The following SLMAP variants were observed in gnomAD, a reference collection of about 807,000 sequenced individuals.
The protein encoded by SLMAP is sarcolemmal membrane-associated protein.
A neutral mutation model predicts 128.8 loss-of-function variants in SLMAP; 44 were observed. The ratio of observed to expected loss-of-function variants is 0.34; its 90% CI spans 0.27 to 0.44. SLMAP has a LOEUF of 0.44. Ranked by LOEUF, SLMAP falls within the 20% of genes least tolerant of loss-of-function variation. The probability of loss-of-function intolerance (pLI) is 1.00; values close to 1 mark genes in which losing one functional copy is unlikely to be tolerated. For synonymous variants in SLMAP, 327 were observed against 348.8 expected (o/e 0.94, Z 0.70); for missense variants, 787 against 985.3 (o/e 0.80, Z 2.69).
At chr3:57,774,425 T>C (rs2081415587) in intron 2 of SLMAP, among the ~76,000 whole-genome samples, 1 of 152,106 alleles carries the variant, frequency 6.6e-6, no homozygotes, top group South Asian at 2.1e-4. Flanking sequence ...GTTATTACTG[T>C]CTCCTTTCAC....
At chr3:57,914,041 G>A (rs1297531917) in intron 21 of SLMAP, among the ~76,000 whole-genome samples, 1 of 151,994 alleles carries the variant, frequency 6.6e-6, no homozygotes, top group African/African-American at 2.4e-5. Flanking sequence ...TTGTATGAAG[G>A]GTAATAATAT....
chr3:57,835,864 A>G lies in SLMAP; in HGVS notation c.346+4334A>G, dbSNP rs150228204. On this transcript the variant is annotated intron_variant, in intron 3 of 24. Transcript: ENST00000671191. ...TATAGTGTAACCATTTACAGAAAGC[A>G]TGAATGCCTGCAAAACAATACTATA... 1.9e-3 allele frequency among the ~76,000 whole-genome samples: 296 copies of G among 152,094 alleles called. 6 individuals carry two copies. Among genetic ancestry groups the G allele is most frequent in the Admixed American group, 0.019 (288 of 15,302 alleles).
chr3:57,874,428 G>C (rs2095555857), intron 14 of SLMAP, among the ~76,000 whole-genome samples: 1 of 151,972 alleles, frequency 6.6e-6, no homozygotes, highest in South Asian at 2.1e-4. Flanking sequence ...AAAAATCCTT[G>C]TTTTATTTTG....
chr3:57,786,994 C>T (rs914804317), intron 2 of SLMAP, among the ~76,000 whole-genome samples: 6 of 152,136 alleles, frequency 3.9e-5, no homozygotes, highest in African/African-American at 1.4e-4. Flanking sequence ...CCTCGGCCTC[C>T]CAAAGTGTTG....
intron 2 of SLMAP, among the ~76,000 whole-genome samples, chr3:57,819,918 G>A (rs539998959): frequency 1.3e-5 from 2 of 152,098 alleles, no homozygotes; most frequent in East Asian, 3.9e-4. Context: ...CACCCAGGTA[G>A]TTTTTGGATT....
chr3:57,878,852 T>C (rs764176215), intron 14 of SLMAP, among the ~76,000 whole-genome samples: 8 of 152,224 alleles, frequency 5.3e-5, no homozygotes, highest in Non-Finnish European at 1.2e-4. Context: ...TAGAAATATT[T>C]TCCAGGTTGG....
At chr3:57,868,983 ATATT>A (rs2095395728) in intron 13 of SLMAP, among the ~76,000 whole-genome samples, 1 of 138,512 alleles carries the variant, frequency 7.2e-6, no homozygotes, top group East Asian at 2.0e-4. Context: ...TATATAATAT[ATATT>A]ATATATGTGT....
intron 14 of SLMAP, among the ~76,000 whole-genome samples, chr3:57,886,957 A>G (rs2095906581): frequency 6.6e-6 from 1 of 152,124 alleles, no homozygotes. Flanking sequence ...CTTAATGGGT[A>G]TAGGGTTTTT....
intron 8 of SLMAP, among the ~76,000 whole-genome samples, chr3:57,858,908 A>G (rs1473444647): frequency 1.3e-5 from 2 of 151,784 alleles, no homozygotes; most frequent in Non-Finnish European, 2.9e-5. Flanking sequence ...TGCCATTGCA[A>G]TGTAGCCTGG....
At chr3:57,874,859 CAAA>C (rs1181269991) in intron 14 of SLMAP, among the ~76,000 whole-genome samples, 4 of 67,376 alleles carry the variant, frequency 5.9e-5, no homozygotes, top group African/African-American at 5.5e-5. Context: ...AACTCTGTCT[CAAA>C]AAAAAAAAAA....
chr3:57,796,169 A>G (rs1421865128), intron 2 of SLMAP, among the ~76,000 whole-genome samples: 1 of 152,212 alleles, frequency 6.6e-6, no homozygotes, highest in Non-Finnish European at 1.5e-5. Context: ...ATCCACCAAT[A>G]TAACTATCAA....
At chr3:57,831,684 G>A (rs918660194) in intron 3 of SLMAP, 154 bp downstream of exon 3, 2 of 219,372 alleles carry the variant, frequency 9.1e-6, no homozygotes. Flanking sequence ...CATACTTTCC[G>A]TATTGCTCTT....
rs1457394505 is a variant in SLMAP at position 57,898,462 on chromosome 3, G to A, written c.1501+1530G>A. The A allele has an allele frequency of 5.1e-4, 78 of 151,922 alleles. 2 individuals are homozygous for A. Among genetic ancestry groups the A allele is most frequent in the Admixed American group, 5.1e-3 (78 of 15,260 alleles). The allele number at this position is 151,922 out of a possible 1,614,324, so 9.4% of individuals were successfully genotyped here. On this transcript the variant is annotated intron_variant, in intron 17 of 24. Coordinates refer to ENST00000671191, the MANE Select transcript of SLMAP (RefSeq NM_001377540.1). ...TTCTTTTTCTTTTTTTCTTTTTGTA[G>A]GTACATAGTAGGTGTATATATTTAT...
chr3:57,826,594 C>T (rs1222012631), intron 2 of SLMAP, among the ~76,000 whole-genome samples: 1 of 152,146 alleles, frequency 6.6e-6, no homozygotes, highest in Non-Finnish European at 1.5e-5. Context: ...CCCTGTTCTG[C>T]TTAATTTTGG....
intron 15 of SLMAP, chr3:57,896,255 T>G: frequency 2.6e-6 from 3 of 1,154,052 alleles, no homozygotes; most frequent in Non-Finnish European, 3.2e-6. Context: ...AGTTGGCAAG[T>G]GGACAGCCTT....
At chr3:57,821,281 A>G (rs562776874) in intron 2 of SLMAP, among the ~76,000 whole-genome samples, 46 of 152,238 alleles carry the variant, frequency 3.0e-4, no homozygotes, top group African/African-American at 1.0e-3. Flanking sequence ...AGAAAGATTT[A>G]TTGTACAGTG....
chr3:57,910,190 A>AT, intron 19 of SLMAP, among the ~76,000 whole-genome samples: 1 of 151,516 alleles, frequency 6.6e-6, no homozygotes, highest in Non-Finnish European at 1.5e-5. Flanking sequence ...GCAAGAAAAT[A>AT]TTTTTTTGCT....
intron 2 of SLMAP, among the ~76,000 whole-genome samples, chr3:57,785,729 G>T (rs1055045885): frequency 1.1e-4 from 17 of 152,206 alleles, no homozygotes; most frequent in African/African-American, 4.1e-4. Context: ...ACCTAAAGTG[G>T]TATTATTGAG....
intron 15 of SLMAP, among the ~76,000 whole-genome samples, chr3:57,891,847 G>C (rs970297524): frequency 9.9e-5 from 15 of 152,134 alleles, no homozygotes; most frequent in Non-Finnish European, 1.9e-4. Context: ...AAAGTGCTGG[G>C]ATTACAGGTG....
Sources: gnomAD v4.1 joint callset for allele counts (sites outside exome capture counted in the v4.1 genomes callset) on GRCh38, gnomAD v4.1.1 for gene constraint, MANE v1.5 for transcripts, NCBI Gene and HGNC (gene_info 2026-07-23, HGNC 2026-07-21) for gene names.